Variants in PFKP observed in about 807,000 individuals in gnomAD.
The protein encoded by PFKP is ATP-dependent 6-phosphofructokinase, platelet type.
A neutral mutation model predicts 94.3 loss-of-function variants in PFKP; 101 were observed. The ratio of observed to expected loss-of-function variants is 1.07; its 90% CI spans 0.91 to 1.26. The LOEUF (loss-of-function observed/expected upper bound fraction) is 1.26, where lower values mean the gene tolerates loss of function less well. PFKP is among the 50% of genes most tolerant of loss of function. PFKP has a pLI of 0.00. For missense variants in PFKP, 1,145 were observed against 1,103.3 expected, an observed-to-expected ratio of 1.04 and a Z score of -0.53; for synonymous variants, 573 against 432.6, an observed-to-expected ratio of 1.32 and a Z score of -4.03.
At chr10:3,107,809 G>C (rs1027550614) in intron 8 of PFKP, 10 of 1,217,590 alleles carry the variant, frequency 8.2e-6, no homozygotes, top group Non-Finnish European at 1.0e-5. Context: ...GCTTTGGCAG[G>C]CTTCGTGCCC....
intron 14 of PFKP, among the ~76,000 whole-genome samples, chr10:3,117,156 G>A (rs1418924581): frequency 3.3e-5 from 5 of 152,198 alleles, no homozygotes; most frequent in Admixed American, 3.3e-4. Context: ...AAAGATGAGT[G>A]GTGTCACGGA....
chr10:3,098,789 AATT>A (rs1184179347), intron 2 of PFKP, among the ~76,000 whole-genome samples: 2 of 152,114 alleles, frequency 1.3e-5, no homozygotes, highest in African/African-American at 2.4e-5. Context: ...TAAGGCAGAC[AATT>A]ATTATTCAGC....
intron 17 of PFKP, 41 bp from the exon 18 acceptor site, chr10:3,132,339 G>A: frequency 6.9e-7 from 1 of 1,444,322 alleles, no homozygotes; most frequent in Non-Finnish European, 9.7e-7. Flanking sequence ...TAGGTACTTA[G>A]TAGAAGTTTA....
At chr10:3,096,322 C>T (rs916937996) in intron 2 of PFKP, among the ~76,000 whole-genome samples, 34 of 152,180 alleles carry the variant, frequency 2.2e-4, no homozygotes, top group Admixed American at 2.2e-3. Flanking sequence ...GCGGCCTTGG[C>T]ATCCTCTTCA....
intron 13 of PFKP, among the ~76,000 whole-genome samples, chr10:3,114,624 G>C (rs1836607698): frequency 6.6e-6 from 1 of 152,250 alleles, no homozygotes; most frequent in East Asian, 1.9e-4. Context: ...GGGCCTGCTG[G>C]AGATCCCCCA....
intron 8 of PFKP, chr10:3,107,983 T>G: frequency 7.8e-7 from 1 of 1,289,716 alleles, no homozygotes; most frequent in Non-Finnish European, 1.0e-6. Flanking sequence ...CAAGTCGGCT[T>G]CTTTATTGTG....
intron 2 of PFKP, among the ~76,000 whole-genome samples, chr10:3,093,204 T>A (rs571318420): frequency 4.6e-5 from 7 of 152,038 alleles, no homozygotes; most frequent in African/African-American, 1.2e-4. Flanking sequence ...TTTTTTTTTT[T>A]AAATCTCTGT....
intron 1 of PFKP, among the ~76,000 whole-genome samples, chr10:3,068,352 G>C (rs187983535): frequency 6.6e-6 from 1 of 152,172 alleles, no homozygotes; most frequent in Non-Finnish European, 1.5e-5. Context: ...AGGGCGGTCC[G>C]GCAGCCCCTC....
At chr10:3,101,634 CTG>C in intron 4 of PFKP, 80 bp downstream of exon 4, 1 of 1,039,310 alleles carries the variant, frequency 9.6e-7, no homozygotes, top group Non-Finnish European at 1.4e-6. Flanking sequence ...TCCCTCTTCA[CTG>C]TGGCAGAAGT....
At chr10:3,120,162 T>G in intron 16 of PFKP, 118 bp downstream of exon 16, 2 of 783,156 alleles carry the variant, frequency 2.6e-6, no homozygotes, top group Non-Finnish European at 4.1e-6. Context: ...GAATGAGAGC[T>G]TCTCGTTCTT....
In PFKP at chr10:3,109,414, A is replaced by G; in HGVS notation, c.1023A>G (p.Pro341=). ...IALLEATPDT[P]ACVVSLNGNH... is the part of the protein sequence containing the mutation. Reference sequence around the variant, plus strand: ...TGCTAGAGGCCACCCCGGACACCCCAGCTTGCGTCGTGTCACTGAACGGGA... The same window carrying G: ...TGCTAGAGGCCACCCCGGACACCCCGGCTTGCGTCGTGTCACTGAACGGGA... The change falls in exon 10 of 22, where the codon CCA becomes CCG. Residue 341 remains proline (P), a synonymous_variant. Transcript: ENST00000381125. 2.5e-6 allele frequency: 4 copies of G among 1,610,200 alleles called. No individual in the cohort carries two copies. Among genetic ancestry groups the G allele is most frequent in the Non-Finnish European group, 3.4e-6 (4 of 1,179,982 alleles).
chr10:3,124,565 G>C (rs1837739463), intron 16 of PFKP, among the ~76,000 whole-genome samples: 1 of 152,210 alleles, frequency 6.6e-6, no homozygotes, highest in Non-Finnish European at 1.5e-5. Context: ...GTGGGGCTGA[G>C]TGTGGCCCAC....
At chr10:3,126,302 T>TC (rs1258677638) in intron 16 of PFKP, among the ~76,000 whole-genome samples, 3 of 152,180 alleles carry the variant, frequency 2.0e-5, no homozygotes, top group Non-Finnish European at 4.4e-5. Flanking sequence ...CTCCTAGGCT[T>TC]CTCCCTGTGT....
intron 10 of PFKP, among the ~76,000 whole-genome samples, chr10:3,111,911 C>T (rs957589303): frequency 1.3e-5 from 2 of 152,210 alleles, no homozygotes; most frequent in African/African-American, 4.8e-5. Context: ...GCTTTGTTCT[C>T]TTGGAGTTAA....
At chr10:3,090,557 C>T (rs1215391429) in intron 2 of PFKP, among the ~76,000 whole-genome samples, 2 of 152,036 alleles carry the variant, frequency 1.3e-5, no homozygotes, top group East Asian at 1.9e-4. Flanking sequence ...AGGCTCAGCC[C>T]CCTCCCCGGC....
chr10:3,121,579 CTGTTTT>C (rs1837407493), intron 16 of PFKP, among the ~76,000 whole-genome samples: 1 of 85,212 alleles, frequency 1.2e-5, no homozygotes, highest in Non-Finnish European at 2.2e-5. Flanking sequence ...CTATAAATAA[CTGTTTT>C]TTTTTTTTTT....
chr10:3,107,129 T>G, intron 7 of PFKP, 85 bp from the exon 8 acceptor site: 5 of 843,892 alleles, frequency 5.9e-6, no homozygotes, highest in Non-Finnish European at 1.0e-5. Flanking sequence ...CCAGTTCAGT[T>G]TGAGACAGAC....
chr10:3,112,193 C>A (rs773333537), intron 10 of PFKP, 29 bp from the exon 11 acceptor site: 3 of 1,593,132 alleles, frequency 1.9e-6, no homozygotes, highest in African/African-American at 2.7e-5. Flanking sequence ...CTGACACATT[C>A]TTTCTTCTTT....
intron 21 of PFKP, 77 bp downstream of exon 21, chr10:3,135,915 G>T: frequency 2.3e-6 from 2 of 852,396 alleles, no homozygotes; most frequent in South Asian, 2.9e-5. Flanking sequence ...TGCTGTTGCT[G>T]TCGGCAACTC....
Sources: allele counts gnomAD v4.1 joint callset (sites outside exome capture counted in the v4.1 genomes callset), GRCh38; gene constraint gnomAD v4.1.1; transcripts MANE v1.5; gene names NCBI Gene and HGNC (gene_info 2026-07-23, HGNC 2026-07-21).